Variants in ST6GALNAC5 observed in about 807,000 individuals in gnomAD.
ST6GALNAC5 encodes alpha-N-acetylgalactosaminide alpha-2,6-sialyltransferase 5.
ST6GALNAC5 carries 27 observed loss-of-function variants against 33.6 expected under a neutral mutation model. That is an observed-to-expected ratio of 0.80 (90% CI 0.59 to 1.11). ST6GALNAC5 has a LOEUF of 1.11. Ranked by LOEUF, ST6GALNAC5 falls within the 50% of genes least tolerant of loss-of-function variation. The probability of loss-of-function intolerance (pLI) is 0.00; values close to 1 mark genes in which losing one functional copy is unlikely to be tolerated. For synonymous variants in ST6GALNAC5, 194 were observed against 171.2 expected, an observed-to-expected ratio of 1.13 and a Z score of -1.04; for missense variants, 428 against 454.0, an observed-to-expected ratio of 0.94 and a Z score of 0.52.
At chr1:76,902,752 C>T (rs919025338) in intron 2 of ST6GALNAC5, among the ~76,000 whole-genome samples, 6 of 151,910 alleles carry the variant, frequency 3.9e-5, no homozygotes, top group African/African-American at 1.5e-4. Context: ...TTTGGTCACC[C>T]GAATTTAACA....
intron 2 of ST6GALNAC5, among the ~76,000 whole-genome samples, chr1:76,914,887 C>T (rs1646953263): frequency 6.6e-6 from 1 of 152,070 alleles, no homozygotes; most frequent in South Asian, 2.1e-4. Context: ...AAGAAACTAC[C>T]ATCAGAGTGA....
At chr1:77,020,606 G>A (rs1341595069) in intron 2 of ST6GALNAC5, among the ~76,000 whole-genome samples, 1 of 152,052 alleles carries the variant, frequency 6.6e-6, no homozygotes, top group Non-Finnish European at 1.5e-5. Flanking sequence ...TTGCCATGTT[G>A]CCCAGGCTGG....
chr1:76,925,481 G>T (rs1647075668), intron 2 of ST6GALNAC5, among the ~76,000 whole-genome samples: 2 of 152,046 alleles, frequency 1.3e-5, no homozygotes, highest in African/African-American at 4.8e-5. Context: ...AATTAGTTCA[G>T]ATTAAAAAGA....
intron 2 of ST6GALNAC5, among the ~76,000 whole-genome samples, chr1:77,001,609 G>A (rs1454438112): frequency 1.3e-5 from 2 of 151,954 alleles, no homozygotes; most frequent in Admixed American, 1.3e-4. Context: ...TGCCCATTCA[G>A]TATGATATTG....
intron 2 of ST6GALNAC5, among the ~76,000 whole-genome samples, chr1:76,931,024 C>T (rs913048094): frequency 6.6e-6 from 1 of 152,038 alleles, no homozygotes; most frequent in Non-Finnish European, 1.5e-5. Flanking sequence ...TTCATGATGA[C>T]ACATATGCAG....
chr1:76,874,196 A>G (rs943483123), intron 2 of ST6GALNAC5, among the ~76,000 whole-genome samples: 15 of 152,214 alleles, frequency 9.9e-5, no homozygotes, highest in Non-Finnish European at 2.2e-4. Context: ...CAGGGTATCC[A>G]ATGAATAATT....
intron 2 of ST6GALNAC5, among the ~76,000 whole-genome samples, chr1:77,023,203 C>G (rs938005078): frequency 2.0e-5 from 3 of 152,104 alleles, no homozygotes; most frequent in African/African-American, 7.2e-5. Context: ...GGAACTGTTG[C>G]GGGGAGGGAT....
intron 4 of ST6GALNAC5, among the ~76,000 whole-genome samples, chr1:77,050,781 G>A (rs1652192129): frequency 6.6e-6 from 1 of 152,196 alleles, no homozygotes; most frequent in Non-Finnish European, 1.5e-5. Context: ...ATTTCTCTGA[G>A]CCTCCTTCCC....
In ST6GALNAC5 at chr1:77,044,458, C is replaced by A; in HGVS notation, c.516C>A (p.Gly172=). 5 of 1,613,328 alleles carry A rather than the reference C, an allele frequency of 3.1e-6. No individual in the cohort carries two copies. The highest frequency in any genetic ancestry group is 4.2e-6 in the Non-Finnish European group (5 of 1,179,644). Residue 172 remains glycine, a synonymous_variant, in exon 3 of 5, where the codon GGC becomes GGA. Coordinates refer to ENST00000477717, the MANE Select transcript of ST6GALNAC5 (RefSeq NM_030965.3). ...AGGGCACCGTGTTCATCTTCTGGGG[C>A]CCCAGCAGCTACATGCGGCGGGACG... The part of the protein sequence containing the change: ...VSQGTVFIFW[G]PSSYMRRDGK...
intron 2 of ST6GALNAC5, among the ~76,000 whole-genome samples, chr1:76,991,375 A>G (rs1253533655): frequency 1.3e-5 from 2 of 152,204 alleles, no homozygotes; most frequent in Non-Finnish European, 1.5e-5. Flanking sequence ...ACACAGTTAT[A>G]TATCATCAAG....
intron 2 of ST6GALNAC5, among the ~76,000 whole-genome samples, chr1:77,039,810 G>T (rs1651774113): frequency 6.6e-6 from 1 of 152,168 alleles, no homozygotes; most frequent in Non-Finnish European, 1.5e-5. Context: ...AAGTCAGAGA[G>T]AAGGCCTTGC....
At chr1:76,912,714 A>G (rs1252584) in intron 2 of ST6GALNAC5, among the ~76,000 whole-genome samples, 64,126 of 149,300 alleles carry the variant, frequency 0.43, 13,745 homozygotes, top group Non-Finnish European at 0.45. Flanking sequence ...TTGTTGGTTT[A>G]AAGTCTGTTT....
At chr1:77,001,138 T>TCCATTTGTTTGTATCCTCTTTTA (rs1650144183) in intron 2 of ST6GALNAC5, among the ~76,000 whole-genome samples, 3 of 150,904 alleles carry the variant, frequency 2.0e-5, no homozygotes, top group African/African-American at 7.3e-5. Context: ...GGAATGTTCT[T>TCCATTTGTTTGTATCCTCTTTTA]CCATTTGTTT....
rs1444699979 is a variant in ST6GALNAC5, at chr1:77,044,187, C to T, written c.262-17C>T. On this transcript the variant is annotated splice_polypyrimidine_tract_variant and intron_variant, in intron 2 of 4. Coordinates refer to ENST00000477717, the MANE Select transcript of ST6GALNAC5 (RefSeq NM_030965.3). ...GCCCTTTGCCCCTGACAGTGTCCTTCTCCCCCTGCCTTCCAGCCCCTGAAA... is the reference window on the plus strand; with the variant it reads ...GCCCTTTGCCCCTGACAGTGTCCTTTTCCCCCTGCCTTCCAGCCCCTGAAA... 4 of 1,579,104 alleles carry T rather than the reference C, an allele frequency of 2.5e-6. No homozygotes were observed. Among genetic ancestry groups the T allele is most frequent in the South Asian group, 2.4e-5 (2 of 85,094 alleles).
In ST6GALNAC5 at chr1:76,929,170, A is replaced by G. The variant is rs1208070693; in HGVS notation, c.261+60428A>G. On this transcript the variant is annotated intron_variant, in intron 2 of 4. Coordinates refer to ENST00000477717, the MANE Select transcript of ST6GALNAC5 (RefSeq NM_030965.3). ...ATAATTCATTAGTCTTGTTTCTCCA[A>G]TTCACATCCTTTCAAGTTTCAGGTT... Among the ~76,000 whole-genome samples, 5 of 152,180 alleles carry G rather than the reference A, an allele frequency of 3.3e-5. No homozygotes were observed. The East Asian group carries it at 5.8e-4, about 18-fold the overall frequency.
At chr1:77,043,417 C>T (rs1651898072) in intron 2 of ST6GALNAC5, among the ~76,000 whole-genome samples, 1 of 152,230 alleles carries the variant, frequency 6.6e-6, no homozygotes, top group African/African-American at 2.4e-5. Context: ...TGCCATGATG[C>T]GTGTTCACTG....
chr1:76,906,050 C>A (rs1323494969), intron 2 of ST6GALNAC5, among the ~76,000 whole-genome samples: 1 of 152,140 alleles, frequency 6.6e-6, no homozygotes, highest in Non-Finnish European at 1.5e-5. Flanking sequence ...TAAAAAGCAT[C>A]ATTTCGGAGG....
chr1:76,892,205 C>T (rs934914824), intron 2 of ST6GALNAC5, among the ~76,000 whole-genome samples: 11 of 152,196 alleles, frequency 7.2e-5, no homozygotes, highest in African/African-American at 2.7e-4. Flanking sequence ...CATAAAAGTA[C>T]TCTCGTGAGA....
intron 2 of ST6GALNAC5, among the ~76,000 whole-genome samples, chr1:77,010,292 C>T (rs1204883842): frequency 6.6e-6 from 1 of 152,028 alleles, no homozygotes; most frequent in Non-Finnish European, 1.5e-5. Flanking sequence ...GTAAGGTGGT[C>T]GAGACCAGCC....
Sources: gnomAD v4.1 joint callset for allele counts (sites outside exome capture counted in the v4.1 genomes callset) on GRCh38, gnomAD v4.1.1 for gene constraint, MANE v1.5 for transcripts, NCBI Gene and HGNC (gene_info 2026-07-23, HGNC 2026-07-21) for gene names.